The following PRELID2 variants were observed in gnomAD, a reference collection of about 807,000 sequenced individuals.
PRELID2 encodes PRELI domain-containing protein 2.
In PRELID2, 25 loss-of-function variants were observed where a neutral mutation model predicts 28.4. The observed-to-expected ratio is 0.88, with a 90% CI of 0.64 to 1.23. The LOEUF (loss-of-function observed/expected upper bound fraction) is 1.23. PRELID2 is among the 50% of genes most tolerant of loss of function. PRELID2 has a pLI of 0.00. For missense variants in PRELID2, 201 were observed against 214.4 expected, an observed-to-expected ratio of 0.94 and a Z score of 0.39; for synonymous variants, 76 against 71.6, an observed-to-expected ratio of 1.06 and a Z score of -0.31.
chr5:145,804,650 C>T (rs914968268), intron 4 of PRELID2, among the ~76,000 whole-genome samples: 9 of 152,026 alleles, frequency 5.9e-5, no homozygotes, highest in African/African-American at 2.2e-4. Context: ...ATAATATTAA[C>T]CCGATTTTAC....
At chr5:145,261,819 A>G in the PRELID2 span, among the ~76,000 whole-genome samples, 9 of 152,320 alleles carry the variant, frequency 5.9e-5, no homozygotes, top group South Asian at 8.3e-4. Context: ...GCTCACCAGC[A>G]ATGGATCCAA....
chr5:145,472,248 G>C (rs1233337411), intron 2 of PRELID2: 2 of 152,146 alleles, frequency 1.3e-5, no homozygotes, highest in East Asian at 3.9e-4. Flanking sequence ...GAAAGAAGAG[G>C]TTATGCTGGG....
chr5:145,529,008 C>T (rs564960299), intron 1 of PRELID2, among the ~76,000 whole-genome samples: 23 of 152,270 alleles, frequency 1.5e-4, no homozygotes, highest in African/African-American at 4.8e-4. Context: ...CATCTCCCTC[C>T]GTTTTCCCTG....
chr5:145,457,604 T>C, the PRELID2 span, among the ~76,000 whole-genome samples: 15 of 152,232 alleles, frequency 9.9e-5, no homozygotes, highest in Non-Finnish European at 1.6e-4. Context: ...GCTGGTGACC[T>C]GATGGGCTAG....
chr5:145,323,662 G>A, the PRELID2 span, among the ~76,000 whole-genome samples: 1 of 152,010 alleles, frequency 6.6e-6, no homozygotes, highest in Non-Finnish European at 1.5e-5. Flanking sequence ...CCTTCTTTGT[G>A]TCCATGTGCA....
the PRELID2 span, among the ~76,000 whole-genome samples, chr5:145,417,616 T>A: frequency 3.3e-5 from 5 of 151,940 alleles, no homozygotes; most frequent in African/African-American, 4.8e-5. Context: ...TAAATGTGAT[T>A]CACCATATAA....
chr5:145,431,006 GTTTTTTT>G, the PRELID2 span, among the ~76,000 whole-genome samples: 1,372 of 55,508 alleles, frequency 0.025, 36 homozygotes, highest in African/African-American at 0.078. Flanking sequence ...CCTGGCAATG[GTTTTTTT>G]TTTTTTTTTT....
the PRELID2 span, among the ~76,000 whole-genome samples, chr5:145,417,412 T>C: frequency 6.6e-6 from 1 of 152,090 alleles, no homozygotes; most frequent in Non-Finnish European, 1.5e-5. Flanking sequence ...GCCAGCATCA[T>C]CCTGATACCA....
At chr5:145,414,174 C>G in the PRELID2 span, among the ~76,000 whole-genome samples, 1 of 152,038 alleles carries the variant, frequency 6.6e-6, no homozygotes, top group South Asian at 2.1e-4. Flanking sequence ...GTCAAGCAAC[C>G]GGTAGAGAAC....
chr5:145,833,497 C>A (rs765280602), intron 1 of PRELID2, among the ~76,000 whole-genome samples: 1 of 152,152 alleles, frequency 6.6e-6, no homozygotes, highest in East Asian at 1.9e-4. Context: ...TACAACAGGT[C>A]TGTAAATCAT....
chr5:145,580,761 G>A (rs1014457289), intron 1 of PRELID2, among the ~76,000 whole-genome samples: 1 of 152,122 alleles, frequency 6.6e-6, no homozygotes, highest in Middle Eastern at 3.4e-3. Context: ...TTCTGCAATT[G>A]CAGAGGAAAG....
chr5:145,823,044 A>ATCATTACT (rs770330390), intron 2 of PRELID2, 33 bp downstream of exon 2: 2 of 1,123,468 alleles, frequency 1.8e-6, no homozygotes, highest in African/African-American at 3.1e-5. Context: ...TCATTTAATG[A>ATCATTACT]TCATTACTGA....
chr5:145,503,093 C>T (rs1462647846), intron 1 of PRELID2, among the ~76,000 whole-genome samples: 2 of 152,028 alleles, frequency 1.3e-5, no homozygotes, highest in African/African-American at 4.8e-5. Context: ...GGGTGGAGGC[C>T]TGGGGTCATC....
At chr5:145,516,174 T>A (rs150471606) in intron 1 of PRELID2, among the ~76,000 whole-genome samples, 726 of 152,268 alleles carry the variant, frequency 4.8e-3, no homozygotes, top group Non-Finnish European at 8.6e-3. Context: ...TAAAGGTTAT[T>A]CAAATGGGAA....
the PRELID2 span, among the ~76,000 whole-genome samples, chr5:145,453,708 C>T: frequency 6.6e-6 from 1 of 152,076 alleles, no homozygotes; most frequent in Non-Finnish European, 1.5e-5. Flanking sequence ...AATGAGAACA[C>T]GCGGTGTTTG....
At position 145,742,053 on chromosome 5, in the gene PRELID2, TATTA is replaced by T. The variant is rs1309345206; in HGVS notation, n.70+22874_70+22877del. 1.5e-4 allele frequency among the ~76,000 whole-genome samples: 17 copies of T among 117,146 alleles called. No homozygotes were observed. The East Asian group carries it at 1.7e-3, about 12-fold the overall frequency. 76.9% of individuals were successfully genotyped at this position (117,146 alleles called of 152,430 possible). A position where few individuals can be genotyped will look rare whatever the true frequency, so the allele number is the denominator to read the frequency against. Reference sequence around the variant, plus strand: ...TTATTCATTAATAATAAATAAATTTTATTAATTTATTTATAATTATACGTAATTA... The same window carrying T: ...TTATTCATTAATAATAAATAAATTTTATTTATTTATAATTATACGTAATTA... On this transcript the variant is annotated intron_variant and non_coding_transcript_variant, in intron 1 of 2. Transcript: ENST00000510259.
intron 1 of PRELID2, among the ~76,000 whole-genome samples, chr5:145,690,301 C>A (rs1468014414): frequency 6.6e-6 from 1 of 152,130 alleles, no homozygotes. Flanking sequence ...CGAGGGGATC[C>A]TCTTCCCTAA....
intron 1 of PRELID2, among the ~76,000 whole-genome samples, chr5:145,517,890 A>G (rs1258560458): frequency 1.3e-5 from 2 of 152,116 alleles, no homozygotes; most frequent in Non-Finnish European, 2.9e-5. Flanking sequence ...CTAACACAGG[A>G]ACAGAAAACC....
At chr5:145,392,039 C>T in the PRELID2 span, among the ~76,000 whole-genome samples, 1 of 152,068 alleles carries the variant, frequency 6.6e-6, no homozygotes, top group African/African-American at 2.4e-5. Flanking sequence ...TTCTTCTGGG[C>T]CCTTCAAACT....
Sources: gnomAD v4.1 joint callset for allele counts (sites outside exome capture counted in the v4.1 genomes callset) on GRCh38, gnomAD v4.1.1 for gene constraint, MANE v1.5 for transcripts, NCBI Gene and HGNC (gene_info 2026-07-23, HGNC 2026-07-21) for gene names.